The following APLF variants were observed in gnomAD, a reference collection of about 807,000 sequenced individuals.
The protein encoded by APLF is aprataxin and PNK-like factor.
APLF carries 61 observed loss-of-function variants against 55.6 expected under a neutral mutation model. The observed-to-expected ratio is 1.10, with a 90% CI of 0.89 to 1.36. The LOEUF is 1.36. APLF is among the 40% of genes most tolerant of loss of function. The probability of loss-of-function intolerance (pLI) is 0.00; values close to 1 mark genes in which losing one functional copy is unlikely to be tolerated. For synonymous variants in APLF, 207 were observed against 214.8 expected (o/e 0.96, Z 0.32); for missense variants, 611 against 602.5 (o/e 1.01, Z -0.15).
chr2:68,572,225 A>G (rs192396777), intron 9 of APLF, among the ~76,000 whole-genome samples: 18 of 152,260 alleles, frequency 1.2e-4, no homozygotes, highest in South Asian at 1.0e-3. Flanking sequence ...AACTTTATAT[A>G]TAATAAAGTA....
At chr2:68,489,806 A>G (rs564137858) in intron 1 of APLF, among the ~76,000 whole-genome samples, 190 of 152,288 alleles carry the variant, frequency 1.2e-3, no homozygotes, top group African/African-American at 4.4e-3. Context: ...TCATCATGAC[A>G]TACTATATGT....
chr2:68,529,058 G>A lies in APLF; in HGVS notation c.804+2816G>A. ...GGCTGGGATCACCTGCTCATCTAATGAAGGAAGTTGAAGGTTAAACTTGCC... is the reference window on the plus strand; with the variant it reads ...GGCTGGGATCACCTGCTCATCTAATAAAGGAAGTTGAAGGTTAAACTTGCC... On this transcript the variant is annotated intron_variant, in intron 6 of 9. Coordinates refer to ENST00000303795, the MANE Select transcript of APLF (RefSeq NM_173545.3). The surrounding 1 kb of genome is among the most constrained non-coding windows in gnomAD (Gnocchi z 4.4). The A allele has an allele frequency of 1.4e-6, 2 of 1,451,512 alleles. No individual in the cohort carries two copies. The highest frequency in any genetic ancestry group is 1.2e-5 in the South Asian group (1 of 82,218). 89.9% of individuals were successfully genotyped at this position (1,451,512 alleles called of 1,614,324 possible).
intron 8 of APLF, among the ~76,000 whole-genome samples, chr2:68,564,170 A>G (rs1671236445): frequency 6.6e-6 from 1 of 152,088 alleles, no homozygotes; most frequent in African/African-American, 2.4e-5. Context: ...CTGCACCAGC[A>G]TGGTCAGTAG....
At position 68,579,015 on chromosome 2, in the gene APLF, A is replaced by C; in HGVS notation, c.*993A>C. 2 of 985,154 alleles carry C rather than the reference A, an allele frequency of 2.0e-6. No homozygotes were observed. The highest frequency in any genetic ancestry group is 2.4e-6 in the Non-Finnish European group (2 of 829,694). 61.0% of individuals were successfully genotyped at this position (985,154 alleles called of 1,614,324 possible). On this transcript the variant is annotated 3_prime_UTR_variant, in exon 10 of 10. Coordinates refer to ENST00000303795, the MANE Select transcript of APLF (RefSeq NM_173545.3). ...ACTTTGAATTGTTAAAATGTAGTTTAGAATCTTTAATAACAGTTGGGTTGT... is the reference window on the plus strand; with the variant it reads ...ACTTTGAATTGTTAAAATGTAGTTTCGAATCTTTAATAACAGTTGGGTTGT...
At chr2:68,517,894 T>C (rs1277805061) in intron 5 of APLF, among the ~76,000 whole-genome samples, 1 of 144,222 alleles carries the variant, frequency 6.9e-6, no homozygotes, top group East Asian at 2.1e-4. Flanking sequence ...CTAATATGTG[T>C]TAATATATAG....
chr2:68,571,886 A>G (rs1229718102), intron 9 of APLF, among the ~76,000 whole-genome samples: 2 of 152,100 alleles, frequency 1.3e-5, no homozygotes, highest in East Asian at 1.9e-4. Flanking sequence ...ATTATCATCA[A>G]TATTTTATCT....
intron 8 of APLF, among the ~76,000 whole-genome samples, chr2:68,561,901 G>A (rs955547085): frequency 2.6e-5 from 4 of 152,006 alleles, no homozygotes; most frequent in Admixed American, 2.6e-4. Context: ...GAAAGTTTTA[G>A]TCCAGAAATT....
chr2:68,516,514 T>C (rs1254865250), intron 5 of APLF, among the ~76,000 whole-genome samples: 2 of 151,274 alleles, frequency 1.3e-5, no homozygotes, highest in African/African-American at 4.8e-5. Context: ...TTAGTGATGA[T>C]TTCTGAGATT....
At chr2:68,528,623 A>G in intron 6 of APLF, 1 of 1,533,614 alleles carries the variant, frequency 6.5e-7, no homozygotes, top group South Asian at 1.2e-5. Context: ...GTCTTTACCC[A>G]GCACCTTCAA....
In APLF at chr2:68,513,121, C is replaced by T. The variant is rs1402820793; in HGVS notation, c.383C>T (p.Thr128Ile). 1 of 1,610,602 alleles carries T rather than the reference C, an allele frequency of 6.2e-7. No homozygotes were observed. The highest frequency in any genetic ancestry group is 8.5e-7 in the Non-Finnish European group (1 of 1,177,940). Residue 128 changes from threonine to isoleucine, a missense_variant, in exon 4 of 10, where the codon ACA (threonine) becomes ATA (isoleucine). Coordinates refer to ENST00000303795, the MANE Select transcript of APLF (RefSeq NM_173545.3). The stretch of plus-strand genomic sequence containing the variant: ...GATGAAGATAATATATTGAATGAAA[C>T]ACCAAAATCCCCCGTGATTAATTTA... ...VLDEDNILNETPKSPVINLPH... is the reference protein window; with the variant it reads ...VLDEDNILNEIPKSPVINLPH...
chr2:68,556,972 T>G (rs1671035537), intron 8 of APLF, among the ~76,000 whole-genome samples: 1 of 152,188 alleles, frequency 6.6e-6, no homozygotes, highest in Admixed American at 6.5e-5. Flanking sequence ...CAATAATTTT[T>G]TATTTGCTGA....
At chr2:68,491,800 C>G (rs558471687) in intron 2 of APLF, among the ~76,000 whole-genome samples, 1 of 152,164 alleles carries the variant, frequency 6.6e-6, no homozygotes, top group Admixed American at 6.5e-5. Flanking sequence ...CCTTCTGAGT[C>G]TCCAGTGTCT....
chr2:68,567,576 T>C (rs1353454010), intron 9 of APLF, among the ~76,000 whole-genome samples, 189 bp downstream of exon 9: 2 of 152,116 alleles, frequency 1.3e-5, no homozygotes, highest in African/African-American at 4.8e-5. Context: ...AGCAAATGCT[T>C]TCCCCATTGT....
chr2:68,532,061 A>C (rs1441358999), intron 6 of APLF, among the ~76,000 whole-genome samples: 1 of 152,196 alleles, frequency 6.6e-6, no homozygotes, highest in Non-Finnish European at 1.5e-5. Flanking sequence ...GAGCCAGAGA[A>C]TATGACTTAG....
In APLF at chr2:68,580,041, G is replaced by A. The variant is rs938058759; in HGVS notation, c.*2019G>A. On this transcript the variant is annotated 3_prime_UTR_variant, in exon 10 of 10. Coordinates refer to ENST00000303795, the MANE Select transcript of APLF (RefSeq NM_173545.3). ...TATTTAATATCAAAGGATATTCTTC[G>A]TAGTAATGTAATAGTTCATGGTAGC... 4.0e-5 allele frequency: 36 copies of A among 909,932 alleles called. No homozygotes were observed. Among genetic ancestry groups the A allele is most frequent in the East Asian group, 2.4e-4 (2 of 8,482 alleles). The allele number at this position is 909,932 out of a possible 1,614,324, so 56.4% of individuals were successfully genotyped here.
chr2:68,569,603 T>C (rs1671398743), intron 9 of APLF, among the ~76,000 whole-genome samples: 1 of 152,008 alleles, frequency 6.6e-6, no homozygotes, highest in Non-Finnish European at 1.5e-5. Context: ...CTTTGGCAAA[T>C]AATGATGAGC....
intron 7 of APLF, among the ~76,000 whole-genome samples, chr2:68,543,554 C>T (rs112704563): frequency 0.025 from 3,851 of 152,230 alleles, 63 homozygotes; most frequent in South Asian, 0.043. Flanking sequence ...ATTTATCAAA[C>T]CTGAGCATAT....
chr2:68,547,937 A>G (rs185420169), intron 8 of APLF, among the ~76,000 whole-genome samples: 2 of 151,836 alleles, frequency 1.3e-5, no homozygotes, highest in African/African-American at 4.8e-5. Context: ...GACTTACATT[A>G]GATAGATGTT....
At chr2:68,544,704 T>A (rs1446370091) in intron 7 of APLF, among the ~76,000 whole-genome samples, 1 of 152,116 alleles carries the variant, frequency 6.6e-6, no homozygotes, top group East Asian at 1.9e-4. Context: ...AAAAACACTT[T>A]TAGAAGTTAG....
Sources: allele counts gnomAD v4.1 joint callset (sites outside exome capture counted in the v4.1 genomes callset), GRCh38; gene constraint gnomAD v4.1.1; non-coding constraint Gnocchi (gnomAD v3.1); transcripts MANE v1.5; gene names NCBI Gene and HGNC (gene_info 2026-07-23, HGNC 2026-07-21).